ARHGAP22: variants seen among roughly 807,000 people sequenced by gnomAD.
ARHGAP22 encodes rho GTPase-activating protein 22.
Under a neutral mutation model 59.1 loss-of-function variants are expected in ARHGAP22, and 48 were observed. The observed-to-expected ratio is 0.81, with a 90% CI of 0.64 to 1.03. ARHGAP22 has a LOEUF of 1.03. Ranked by LOEUF, ARHGAP22 falls within the 50% of genes least tolerant of loss-of-function variation. The pLI is 0.00. For missense variants in ARHGAP22, 1,015 were observed against 958.7 expected (o/e 1.06, Z -0.78); for synonymous variants, 445 against 416.4 (o/e 1.07, Z -0.84).
At chr10:48,641,948 C>T (rs1189312897) in intron 1 of ARHGAP22, among the ~76,000 whole-genome samples, 5 of 152,256 alleles carry the variant, frequency 3.3e-5, no homozygotes, top group East Asian at 1.9e-4. Context: ...CAATAATAGA[C>T]AAACAGAGAG....
At chr10:48,584,209 C>T (rs1016333666) in intron 1 of ARHGAP22, among the ~76,000 whole-genome samples, 2 of 152,216 alleles carry the variant, frequency 1.3e-5, no homozygotes, top group Admixed American at 1.3e-4. Context: ...CTGTGACCTA[C>T]AATTCTTGCA....
intron 2 of ARHGAP22, among the ~76,000 whole-genome samples, chr10:48,578,213 T>A (rs184934561): frequency 6.6e-5 from 10 of 152,246 alleles, no homozygotes; most frequent in African/African-American, 2.2e-4. Flanking sequence ...CCCAAGTCTT[T>A]GAGGGGTTTT....
chr10:48,580,251 T>G (rs1239186637), intron 2 of ARHGAP22, among the ~76,000 whole-genome samples: 1 of 152,168 alleles, frequency 6.6e-6, no homozygotes, highest in Non-Finnish European at 1.5e-5. Flanking sequence ...GCCTCCATTT[T>G]ATTAGTTGCT....
chr10:48,638,061 C>T (rs1211128948), intron 1 of ARHGAP22, among the ~76,000 whole-genome samples: 1 of 152,204 alleles, frequency 6.6e-6, no homozygotes, highest in East Asian at 1.9e-4. Flanking sequence ...TCTCCCTCTG[C>T]CCATCCACTA....
chr10:48,498,700 C>A (rs1422594154), intron 3 of ARHGAP22, among the ~76,000 whole-genome samples: 3 of 152,132 alleles, frequency 2.0e-5, no homozygotes, highest in Non-Finnish European at 4.4e-5. Flanking sequence ...CATTTCAGAA[C>A]CCAAAATGCC....
At chr10:48,631,827 G>A (rs978682944) in intron 1 of ARHGAP22, among the ~76,000 whole-genome samples, 25 of 152,036 alleles carry the variant, frequency 1.6e-4, no homozygotes, top group African/African-American at 6.0e-4. Context: ...CTTCTCTGAT[G>A]CTCTTTCTTT....
At chr10:48,434,777 C>T in the ARHGAP22 span, 84 of 967,894 alleles carry the variant, frequency 8.7e-5, no homozygotes, top group Non-Finnish European at 1.1e-4. Context: ...AGTGAGCCTT[C>T]GAAACCCAAG....
intron 3 of ARHGAP22, among the ~76,000 whole-genome samples, chr10:48,554,093 T>C (rs1158776532): frequency 6.6e-6 from 1 of 152,256 alleles, no homozygotes; most frequent in African/African-American, 2.4e-5. Flanking sequence ...TGTGCAGTTT[T>C]ACCACAAAGA....
At chr10:48,522,428 C>A (rs1017370529) in intron 3 of ARHGAP22, among the ~76,000 whole-genome samples, 1 of 152,222 alleles carries the variant, frequency 6.6e-6, no homozygotes, top group Non-Finnish European at 1.5e-5. Flanking sequence ...GAGGACAGAC[C>A]TAAGCAAGAG....
chr10:48,460,267 C>A (rs1310596894), intron 4 of ARHGAP22, among the ~76,000 whole-genome samples: 1 of 152,220 alleles, frequency 6.6e-6, no homozygotes, highest in Non-Finnish European at 1.5e-5. Context: ...CCATCAACAG[C>A]AGATCTCCTG....
At chr10:48,646,022 T>C (rs935920856) in intron 1 of ARHGAP22, among the ~76,000 whole-genome samples, 1 of 152,116 alleles carries the variant, frequency 6.6e-6, no homozygotes, top group African/African-American at 2.4e-5. Flanking sequence ...AAGATGGACA[T>C]AGCAAAAATC....
upstream of ARHGAP22, among the ~76,000 whole-genome samples, chr10:48,607,882 G>A (rs1009308140): frequency 1.3e-5 from 2 of 152,230 alleles, no homozygotes; most frequent in African/African-American, 4.8e-5. Flanking sequence ...GAAGTCTCCG[G>A]AAGGCAGAAG....
At chr10:48,652,424 C>A (rs1400974571) in exon 1 of ARHGAP22, 22 of 709,302 alleles carry the variant, frequency 3.1e-5, no homozygotes, top group Non-Finnish European at 4.5e-5. Context: ...ATTTAGAATG[C>A]CCTTTATCTG....
intron 2 of ARHGAP22, among the ~76,000 whole-genome samples, chr10:48,570,962 G>T (rs1479584916): frequency 6.6e-6 from 1 of 152,232 alleles, no homozygotes; most frequent in Non-Finnish European, 1.5e-5. Context: ...GAGCATGCCT[G>T]CTTCTTTGGC....
chr10:48,585,571 T>TC (rs2059380733), intron 1 of ARHGAP22, among the ~76,000 whole-genome samples: 1 of 152,172 alleles, frequency 6.6e-6, no homozygotes, highest in African/African-American at 2.4e-5. Context: ...GAAGGGGTTG[T>TC]CCCCTCCAGA....
intron 2 of ARHGAP22, among the ~76,000 whole-genome samples, chr10:48,575,999 C>G (rs1321657430): frequency 6.6e-6 from 1 of 152,186 alleles, no homozygotes; most frequent in South Asian, 2.1e-4. Flanking sequence ...ATAAGCAACC[C>G]ACAACCTTCA....
downstream of ARHGAP22, among the ~76,000 whole-genome samples, chr10:48,443,411 C>A (rs145328229): frequency 3.8e-4 from 58 of 152,272 alleles, no homozygotes; most frequent in African/African-American, 1.4e-3. Context: ...CCTACCCTAC[C>A]CCACTTCTTC....
At chr10:48,610,941 C>G (rs1277869755) in intron 1 of ARHGAP22, among the ~76,000 whole-genome samples, 1 of 152,226 alleles carries the variant, frequency 6.6e-6, no homozygotes, top group Non-Finnish European at 1.5e-5. Context: ...GAAGCAGGCT[C>G]AGAGCGGCTT....
At chr10:48,433,366 C>T in the ARHGAP22 span, among the ~76,000 whole-genome samples, 2 of 152,108 alleles carry the variant, frequency 1.3e-5, no homozygotes, top group African/African-American at 4.8e-5. Context: ...TGTTTCAGTA[C>T]AAGTCTTAGA....
Sources: gnomAD v4.1 joint callset for allele counts (sites outside exome capture counted in the v4.1 genomes callset) on GRCh38, gnomAD v4.1.1 for gene constraint, MANE v1.5 for transcripts, NCBI Gene and HGNC (gene_info 2026-07-23, HGNC 2026-07-21) for gene names.